RASSF8: variants seen among roughly 807,000 people sequenced by gnomAD.
RASSF8 encodes Ras association domain family member 8.
A neutral mutation model predicts 48.5 loss-of-function variants in RASSF8; 22 were observed. The ratio of observed to expected loss-of-function variants is 0.45; its 90% confidence interval spans 0.32 to 0.65. The LOEUF (loss-of-function observed/expected upper bound fraction) is 0.65, where lower values mean the gene tolerates loss of function less well. Among genes scored for constraint, RASSF8 ranks in the 30% least tolerant of loss-of-function variants. RASSF8 has a pLI of 0.03. For missense variants in RASSF8, 418 were observed against 489.2 expected, an observed-to-expected ratio of 0.85 and a Z score of 1.37; for synonymous variants, 127 against 171.5, an observed-to-expected ratio of 0.74 and a Z score of 2.03.
downstream of RASSF8, among the ~76,000 whole-genome samples, chr12:26,074,704 G>A (rs1414881949): frequency 6.6e-6 from 1 of 152,018 alleles, no homozygotes; most frequent in African/African-American, 2.4e-5. Context: ...ACCACTAGAG[G>A]GGCAAGGATA....
At chr12:26,074,581 G>T (rs1278888425), downstream of RASSF8, among the ~76,000 whole-genome samples, 1 of 151,686 alleles carries the variant, frequency 6.6e-6, no homozygotes, top group Non-Finnish European at 1.5e-5. Flanking sequence ...CTGACCTCGT[G>T]TTCCACCCGC....
intron 1 of RASSF8, among the ~76,000 whole-genome samples, chr12:25,980,034 T>C (rs1941702576): frequency 6.6e-6 from 1 of 152,212 alleles, no homozygotes; most frequent in Admixed American, 6.5e-5. Flanking sequence ...GAGTGGTAGT[T>C]ACGAAAATTT....
intron 2 of RASSF8, among the ~76,000 whole-genome samples, chr12:26,051,320 G>C (rs767403759): frequency 7.9e-5 from 12 of 152,282 alleles, no homozygotes; most frequent in Non-Finnish European, 5.9e-5. Flanking sequence ...AAATCACTGG[G>C]CATGTGTGAA....
rs1943951078 is a variant in RASSF8 at position 26,069,299 on chromosome 12, A to G, written c.*481A>G. 1.0e-6 allele frequency: 1 copy of G among 985,360 alleles called. No individual in the cohort carries two copies. The highest frequency in any genetic ancestry group is 1.2e-6 in the Non-Finnish European group (1 of 829,366). 61.0% of individuals were successfully genotyped at this position (985,360 alleles called of 1,614,324 possible). A position where few individuals can be genotyped will look rare whatever the true frequency, so the allele number is the denominator to read the frequency against. On this transcript the variant is annotated 3_prime_UTR_variant, in exon 6 of 6. Coordinates refer to ENST00000689635, the MANE Select transcript of RASSF8 (RefSeq NM_001394098.1). ...GCATGTTGCCAGACTCCATCCATGC[A>G]TTGCTGATTTACACTACACAAGTGT...
chr12:26,009,480 G>A (rs1942472023), intron 2 of RASSF8, among the ~76,000 whole-genome samples: 1 of 152,158 alleles, frequency 6.6e-6, no homozygotes, highest in African/African-American at 2.4e-5. Flanking sequence ...TAGTGCACAG[G>A]ACTGTCCCAC....
chr12:26,067,817 T>G, intron 5 of RASSF8, 104 bp downstream of exon 5: 1 of 1,442,392 alleles, frequency 6.9e-7, no homozygotes, highest in Non-Finnish European at 9.5e-7. Context: ...CAGGCTGGAA[T>G]GCCAGGGGTA....
At chr12:26,025,673 A>G (rs987329397) in intron 2 of RASSF8, among the ~76,000 whole-genome samples, 10 of 152,094 alleles carry the variant, frequency 6.6e-5, no homozygotes, top group Admixed American at 2.6e-4. Flanking sequence ...TTAAAAACCT[A>G]TTAGAACTAT....
chr12:26,079,831 A>G (rs2669567), exon 6 of RASSF8: 112,066 of 151,846 alleles, frequency 0.74, 41,950 homozygotes, highest in Middle Eastern at 0.85. Flanking sequence ...AAATCAGTAC[A>G]GCTATTGTGG....
chr12:25,996,231 T>A (rs890379733), intron 2 of RASSF8, among the ~76,000 whole-genome samples: 28 of 152,212 alleles, frequency 1.8e-4, no homozygotes, highest in African/African-American at 6.3e-4. Flanking sequence ...ATTCAGACCC[T>A]ATTTTTAAGG....
In RASSF8 at chr12:26,053,646, C is replaced by T. The variant is rs139243805; in HGVS notation, c.-108-1590C>T. Among the ~76,000 whole-genome samples the T allele has an allele frequency of 1.6e-3, 237 of 152,180 alleles. 1 individual carries two copies. Among genetic ancestry groups the T allele is most frequent in the African/African-American group, 5.4e-3 (225 of 41,516 alleles). Reference sequence around the variant, plus strand: ...TTCTTTAACTTTGGAAGCCTTTATCCCCAGGAACTTTAACATCTCACAGGC... The same window carrying T: ...TTCTTTAACTTTGGAAGCCTTTATCTCCAGGAACTTTAACATCTCACAGGC... On this transcript the variant is annotated intron_variant, in intron 2 of 5. Coordinates refer to ENST00000689635, the MANE Select transcript of RASSF8 (RefSeq NM_001394098.1).
intron 2 of RASSF8, among the ~76,000 whole-genome samples, chr12:26,035,803 A>G (rs922478807): frequency 6.9e-6 from 1 of 145,252 alleles, no homozygotes; most frequent in Non-Finnish European, 1.5e-5. Flanking sequence ...CACTAGATAT[A>G]CAATATATGA....
At chr12:25,980,332 A>T (rs1379036522) in intron 1 of RASSF8, among the ~76,000 whole-genome samples, 1 of 152,220 alleles carries the variant, frequency 6.6e-6, no homozygotes, top group Non-Finnish European at 1.5e-5. Context: ...GATAAATGCC[A>T]TATATACAAC....
chr12:26,078,907 G>T, intron 5 of RASSF8: 2 of 734,322 alleles, frequency 2.7e-6, no homozygotes, highest in African/African-American at 1.8e-5. Flanking sequence ...CAAAAAAAAA[G>T]GCGCTAACCG....
chr12:25,999,962 G>A (rs538452382), intron 2 of RASSF8, among the ~76,000 whole-genome samples: 1 of 152,254 alleles, frequency 6.6e-6, no homozygotes, highest in African/African-American at 2.4e-5. Context: ...TTCTGGATAG[G>A]AAGACAATTC....
At position 26,015,081 on chromosome 12, in the gene RASSF8, C is replaced by T. The variant is rs143719028; in HGVS notation, c.-109+19951C>T. Among the ~76,000 whole-genome samples the T allele has an allele frequency of 8.9e-3, 1,347 of 151,746 alleles. 15 individuals carry two copies. Among genetic ancestry groups the T allele is most frequent in the Middle Eastern group, 0.044 (13 of 294 alleles). On this transcript the variant is annotated intron_variant, in intron 2 of 5. Coordinates refer to ENST00000689635, the MANE Select transcript of RASSF8 (RefSeq NM_001394098.1). ...GAAATTAGCCAGGCATCATTGTGTGCGCCTGTAGTCCCAGCTACTTGGGAA... is the reference window on the plus strand; with the variant it reads ...GAAATTAGCCAGGCATCATTGTGTGTGCCTGTAGTCCCAGCTACTTGGGAA...
At chr12:25,962,986 A>AT (rs139621052) in intron 1 of RASSF8, among the ~76,000 whole-genome samples, 8,870 of 152,108 alleles carry the variant, frequency 0.058, 411 homozygotes, top group African/African-American at 0.13. Context: ...TAAAATAATT[A>AT]TTTTTTTATC....
chr12:26,036,926 A>G (rs906583461), intron 2 of RASSF8, among the ~76,000 whole-genome samples: 1 of 152,040 alleles, frequency 6.6e-6, no homozygotes, highest in African/African-American at 2.4e-5. Flanking sequence ...AAAAAAATAA[A>G]AAAAAAACAA....
intron 1 of RASSF8, among the ~76,000 whole-genome samples, chr12:25,978,376 C>G (rs1025773108): frequency 6.6e-6 from 1 of 152,162 alleles, no homozygotes; most frequent in African/African-American, 2.4e-5. Context: ...AGTCACAAAC[C>G]GCCACATTCC....
At chr12:26,003,565 A>G (rs1216464120) in intron 2 of RASSF8, among the ~76,000 whole-genome samples, 1 of 152,196 alleles carries the variant, frequency 6.6e-6, no homozygotes, top group Non-Finnish European at 1.5e-5. Context: ...AAAAATGATA[A>G]CCTGAAAAGT....
Sources: gnomAD v4.1 joint callset for allele counts (sites outside exome capture counted in the v4.1 genomes callset) on GRCh38, gnomAD v4.1.1 for gene constraint, MANE v1.5 for transcripts, NCBI Gene and HGNC (gene_info 2026-07-23, HGNC 2026-07-21) for gene names.